Variants in ATP6V0A1 observed in about 807,000 individuals in gnomAD.
ATP6V0A1 encodes the protein V-type proton ATPase 116 kDa subunit a 1.
Under a neutral mutation model 105.4 loss-of-function variants are expected in ATP6V0A1, and 43 were observed. The ratio of observed to expected loss-of-function variants is 0.41; its 90% CI spans 0.32 to 0.53. The LOEUF is 0.53. Among genes scored for constraint, ATP6V0A1 ranks in the 20% least tolerant of loss-of-function variants. ATP6V0A1 has a pLI of 0.30. For synonymous variants in ATP6V0A1, 362 were observed against 372.8 expected (o/e 0.97, Z 0.33); for missense variants, 676 against 1,051.1 (o/e 0.64, Z 4.93).
chr17:42,483,769 A>G (rs1251215748), intron 9 of ATP6V0A1, among the ~76,000 whole-genome samples: 3 of 152,142 alleles, frequency 2.0e-5, no homozygotes, highest in African/African-American at 7.2e-5. Flanking sequence ...TTTAGTAGAG[A>G]CAGGGTTTCA....
intron 5 of ATP6V0A1, chr17:42,471,524 A>C (rs8080310): frequency 0.35 from 53,734 of 151,688 alleles, 10,271 homozygotes; most frequent in East Asian, 0.57. Flanking sequence ...ACTTGAGCCC[A>C]GGAGTTCAGG....
chr17:42,483,624 C>T (rs1021483640), intron 9 of ATP6V0A1, among the ~76,000 whole-genome samples: 1 of 152,042 alleles, frequency 6.6e-6, no homozygotes, highest in Non-Finnish European at 1.5e-5. Context: ...CTCTTTTGCC[C>T]AGGGTGGAGT....
chr17:42,495,847 G>A (rs969378055), intron 14 of ATP6V0A1, 131 bp downstream of exon 14: 1 of 778,446 alleles, frequency 1.3e-6, no homozygotes, highest in South Asian at 1.7e-5. Context: ...TGTAATCCCA[G>A]CACTTTGGGA....
chr17:42,476,849 G>A (rs2145806033), intron 5 of ATP6V0A1, among the ~76,000 whole-genome samples: 1 of 152,226 alleles, frequency 6.6e-6, no homozygotes, highest in East Asian at 1.9e-4. Flanking sequence ...GTGTTCTCAA[G>A]AATCCTACAA....
rs1381359942 is a variant in ATP6V0A1, at chr17:42,513,965, C to T, written c.2235C>T (p.Ser745=). 6.2e-7 allele frequency: 1 copy of T among 1,614,070 alleles called. No individual in the cohort carries two copies. The highest frequency in any genetic ancestry group is 1.3e-5 in the African/African-American group (1 of 75,060). Residue 745 remains serine (S), a synonymous_variant, in exon 20 of 22, where the codon AGC becomes AGT. Transcript: ENST00000343619. ...TASYLRLWAL[S]LAHAQLSEVL... is the part of the protein sequence containing the mutation. The stretch of plus-strand genomic sequence containing the variant: ...CCTACTTGCGGCTCTGGGCCCTCAG[C>T]CTCGCTCATGCGCGTGAGTACCTCT...
intron 11 of ATP6V0A1, among the ~76,000 whole-genome samples, chr17:42,492,706 CA>C (rs56397012): frequency 0.93 from 88,669 of 95,184 alleles, 41,386 homozygotes; most frequent in East Asian, 0.99. Context: ...AACTCTGTCT[CA>C]AAAAAAAAAA....
intron 4 of ATP6V0A1, among the ~76,000 whole-genome samples, chr17:42,469,882 T>C (rs2054301377): frequency 6.6e-6 from 1 of 152,160 alleles, no homozygotes; most frequent in Admixed American, 6.5e-5. Context: ...CCTCAAGTGA[T>C]CCACCCGCCT....
intron 17 of ATP6V0A1, among the ~76,000 whole-genome samples, chr17:42,503,956 A>G (rs546221868): frequency 6.6e-6 from 1 of 152,144 alleles, no homozygotes; most frequent in Admixed American, 6.5e-5. Flanking sequence ...CTTAACACAT[A>G]CTCTTTTTTC....
At position 42,498,750 on chromosome 17, in the gene ATP6V0A1, C is replaced by T. The variant is rs572125307; in HGVS notation, c.1561-174C>T. Among the ~76,000 whole-genome samples, 11 of 152,140 alleles carry T rather than the reference C, an allele frequency of 7.2e-5. No individual in the cohort carries two copies. The South Asian group carries it at 1.9e-3, about 26-fold the overall frequency. On this transcript the variant is annotated intron_variant, in intron 14 of 21. Coordinates refer to ENST00000343619, the MANE Select transcript of ATP6V0A1 (RefSeq NM_001130021.3). The stretch of plus-strand genomic sequence containing the variant: ...CTGAGGCAGGAGAATGGCGTGAACC[C>T]GGAAGGCAGAGCTTGCAGTGAGCTG...
intron 8 of ATP6V0A1, among the ~76,000 whole-genome samples, chr17:42,481,691 A>AAACTG (rs2089526869): frequency 6.6e-6 from 1 of 152,200 alleles, no homozygotes; most frequent in Non-Finnish European, 1.5e-5. Context: ...AAAAAACTAA[A>AAACTG]AACTGAAAAA....
chr17:42,483,027 T>G lies in ATP6V0A1; in HGVS notation c.717-11T>G. On this transcript the variant is annotated splice_polypyrimidine_tract_variant and intron_variant, in intron 8 of 21. Coordinates refer to ENST00000343619, the MANE Select transcript of ATP6V0A1 (RefSeq NM_001130021.3). ...GATAAGTTAAGAAACTTCGATGTTCTTATATTCCAGGTTCCGAGCCTCACT... is the reference window on the plus strand; with the variant it reads ...GATAAGTTAAGAAACTTCGATGTTCGTATATTCCAGGTTCCGAGCCTCACT... 1 of 1,456,718 alleles carries G rather than the reference T, an allele frequency of 6.9e-7. No individual in the cohort carries two copies. Among genetic ancestry groups the G allele is most frequent in the African/African-American group, 1.4e-5 (1 of 69,890 alleles). The allele number at this position is 1,456,718 out of a possible 1,614,324, so 90.2% of individuals were successfully genotyped here.
intron 10 of ATP6V0A1, among the ~76,000 whole-genome samples, chr17:42,489,938 G>C (rs1373422393): frequency 2.0e-5 from 3 of 152,224 alleles, no homozygotes; most frequent in Non-Finnish European, 2.9e-5. Context: ...TGGTCAGCGA[G>C]CAGGAGGAGA....
intron 9 of ATP6V0A1, among the ~76,000 whole-genome samples, chr17:42,486,024 T>C (rs139817231): frequency 5.0e-4 from 76 of 152,340 alleles, no homozygotes; most frequent in African/African-American, 1.8e-3. Flanking sequence ...CTGAACTAAC[T>C]TGAAGAATTG....
intron 2 of ATP6V0A1, among the ~76,000 whole-genome samples, chr17:42,462,413 T>C (rs2086530567): frequency 6.6e-6 from 1 of 151,956 alleles, no homozygotes; most frequent in Admixed American, 6.6e-5. Flanking sequence ...GTGGTTTTTG[T>C]TGTTGTTGTT....
At position 42,459,704 on chromosome 17, in the gene ATP6V0A1, T is replaced by A. The variant is rs181883532; in HGVS notation, c.-48+741T>A. Among the ~76,000 whole-genome samples, 867 of 152,310 alleles carry A rather than the reference T, an allele frequency of 5.7e-3. 7 individuals carry two copies. Among genetic ancestry groups the A allele is most frequent in the Non-Finnish European group, 4.0e-3 (272 of 68,028 alleles). ...TGCCGGTAACAGCTGATTTGGATGA[T>A]TCAGATGTACAGAATCTTAAAGTCA... On this transcript the variant is annotated intron_variant, in intron 1 of 21. Transcript: ENST00000343619.
chr17:42,479,385 C>T (rs1208159721), intron 7 of ATP6V0A1, among the ~76,000 whole-genome samples: 2 of 152,216 alleles, frequency 1.3e-5, no homozygotes, highest in African/African-American at 4.8e-5. Flanking sequence ...CCACCCAGTA[C>T]TTCAGGAAGT....
intron 5 of ATP6V0A1, among the ~76,000 whole-genome samples, chr17:42,472,403 T>TTA (rs2088095960): frequency 6.6e-6 from 1 of 151,876 alleles, no homozygotes; most frequent in African/African-American, 2.4e-5. Context: ...TACTTTAAAT[T>TTA]TATATATATA....
chr17:42,491,307 A>T (rs144884996), intron 11 of ATP6V0A1, among the ~76,000 whole-genome samples: 22 of 151,924 alleles, frequency 1.4e-4, no homozygotes, highest in African/African-American at 4.8e-4. Context: ...TTTTTAATTT[A>T]ATTTTATTTT....
chr17:42,466,050 A>G (rs1422175274), intron 2 of ATP6V0A1, among the ~76,000 whole-genome samples: 1 of 152,170 alleles, frequency 6.6e-6, no homozygotes, highest in Non-Finnish European at 1.5e-5. Context: ...GGGACAGAAA[A>G]ACAAGAGAAG....
Sources: allele counts gnomAD v4.1 joint callset (sites outside exome capture counted in the v4.1 genomes callset), GRCh38; gene constraint gnomAD v4.1.1; transcripts MANE v1.5; gene names NCBI Gene and HGNC (gene_info 2026-07-23, HGNC 2026-07-21).